RPS6KA2: variants seen among roughly 807,000 people sequenced by gnomAD.
The protein encoded by RPS6KA2 is ribosomal protein S6 kinase A2, also known as ribosomal protein S6 kinase alpha-2.
In RPS6KA2, 42 loss-of-function variants were observed where a neutral mutation model predicts 91.8. The ratio of observed to expected loss-of-function variants is 0.46; its 90% CI spans 0.36 to 0.59. RPS6KA2 has a LOEUF of 0.59. Among genes scored for constraint, RPS6KA2 ranks in the 20% least tolerant of loss-of-function variants. The probability of loss-of-function intolerance (pLI) is 0.00; values close to 1 mark genes in which losing one functional copy is unlikely to be tolerated. For missense variants in RPS6KA2, 798 were observed against 978.5 expected (o/e 0.82, Z 2.46); for synonymous variants, 414 against 393.6 (o/e 1.05, Z -0.61).
At position 166,732,886 on chromosome 6, in the gene RPS6KA2, CA is replaced by C. The variant is rs139020151; in HGVS notation, c.123+125313del. Among the ~76,000 whole-genome samples the C allele has an allele frequency of 0.034, 5,152 of 152,068 alleles. 288 individuals are homozygous for C. The highest frequency in any genetic ancestry group is 0.12 in the African/African-American group (4,856 of 41,428). The stretch of plus-strand genomic sequence containing the variant: ...GGCTGCTCTGGTTCAAGTTGGTGTT[CA>C]AATAAAAGTAAGTCACAACAAAACA... On this transcript the variant is annotated intron_variant, in intron 2 of 21. Coordinates refer to the RPS6KA2 transcript ENST00000503859. This position sits in a 1 kb window ranked among gnomAD's most constrained non-coding sequence, Gnocchi z 4.0.
At chr6:166,832,465 C>T (rs557568441) in intron 2 of RPS6KA2, among the ~76,000 whole-genome samples, 1 of 152,260 alleles carries the variant, frequency 6.6e-6, no homozygotes, top group Non-Finnish European at 1.5e-5. Context: ...CCTGGCTACA[C>T]CAAGATATTA....
intron 2 of RPS6KA2, among the ~76,000 whole-genome samples, chr6:166,644,281 A>G (rs975745777): frequency 3.9e-5 from 6 of 152,144 alleles, no homozygotes; most frequent in Admixed American, 2.0e-4. Flanking sequence ...GGAATTATCT[A>G]GTAGGGCACA....
intron 1 of RPS6KA2, among the ~76,000 whole-genome samples, chr6:166,539,982 T>G (rs1271226199): frequency 6.6e-6 from 1 of 152,218 alleles, no homozygotes; most frequent in Non-Finnish European, 1.5e-5. Context: ...CAACCAGGAA[T>G]TGTATGCATA....
At chr6:166,703,490 T>G (rs1266823844) in intron 2 of RPS6KA2, among the ~76,000 whole-genome samples, 3 of 152,252 alleles carry the variant, frequency 2.0e-5, no homozygotes, top group Non-Finnish European at 4.4e-5. Context: ...GGTTGCCACA[T>G]CAGTCAGATA....
At chr6:166,655,237 G>A (rs538276764) in intron 2 of RPS6KA2, among the ~76,000 whole-genome samples, 1 of 152,262 alleles carries the variant, frequency 6.6e-6, no homozygotes, top group East Asian at 1.9e-4. Flanking sequence ...TCATACTTCA[G>A]TGTATCTAGG....
chr6:166,543,186 T>C (rs1783714352), intron 1 of RPS6KA2, among the ~76,000 whole-genome samples: 1 of 152,114 alleles, frequency 6.6e-6, no homozygotes, highest in South Asian at 2.1e-4. Flanking sequence ...GCTGGCATCA[T>C]ATAAACGCTT....
At chr6:166,510,170 T>G (rs1782411366) in intron 4 of RPS6KA2, 107 bp downstream of exon 4, 1 of 679,196 alleles carries the variant, frequency 1.5e-6, no homozygotes, top group Non-Finnish European at 2.6e-6. Context: ...CTCTATGGTA[T>G]AGGAAAGATT....
intron 2 of RPS6KA2, among the ~76,000 whole-genome samples, chr6:166,705,832 T>C (rs1018178224): frequency 1.3e-5 from 2 of 152,186 alleles, no homozygotes; most frequent in Non-Finnish European, 2.9e-5. Context: ...AATGTTTGTG[T>C]CTCCCCTAAC....
chr6:166,586,880 C>A (rs2128519343), intron 1 of RPS6KA2, among the ~76,000 whole-genome samples: 1 of 152,348 alleles, frequency 6.6e-6, no homozygotes, highest in Non-Finnish European at 1.5e-5. Context: ...TAGACTGGGG[C>A]TCCCCTCAGC....
chr6:166,594,471 T>G (rs1473411894), intron 1 of RPS6KA2, among the ~76,000 whole-genome samples: 1 of 152,230 alleles, frequency 6.6e-6, no homozygotes, highest in Non-Finnish European at 1.5e-5. Flanking sequence ...TTCTTTTTTT[T>G]TTCTTTTTTG....
intron 2 of RPS6KA2, among the ~76,000 whole-genome samples, chr6:166,671,113 C>A (rs1036539631): frequency 6.6e-6 from 1 of 152,166 alleles, no homozygotes. Context: ...ATGCCTGGCC[C>A]CAACATGTTA....
chr6:166,568,210 T>A (rs1784560256), intron 1 of RPS6KA2, among the ~76,000 whole-genome samples: 1 of 152,058 alleles, frequency 6.6e-6, no homozygotes, highest in South Asian at 2.1e-4. Flanking sequence ...CACATGCACA[T>A]CCACATAAAA....
intron 2 of RPS6KA2, among the ~76,000 whole-genome samples, chr6:166,782,053 G>T (rs1045013940): frequency 6.6e-6 from 1 of 152,202 alleles, no homozygotes; most frequent in Non-Finnish European, 1.5e-5. Context: ...ACTTTGGGAG[G>T]CCAAGGTTGG....
intron 2 of RPS6KA2, among the ~76,000 whole-genome samples, chr6:166,835,224 G>C (rs920196416): frequency 1.6e-4 from 24 of 152,196 alleles, no homozygotes; most frequent in African/African-American, 5.8e-4. Flanking sequence ...TTAAAAGACA[G>C]TGTGAGTTCT....
intron 14 of RPS6KA2, among the ~76,000 whole-genome samples, chr6:166,446,178 A>T (rs1352390765): frequency 6.6e-6 from 1 of 152,204 alleles, no homozygotes; most frequent in Non-Finnish European, 1.5e-5. Flanking sequence ...TTGGAAGGAA[A>T]TCCAAACAAC....
intron 2 of RPS6KA2, among the ~76,000 whole-genome samples, chr6:166,740,298 T>C (rs568726789): frequency 3.0e-4 from 45 of 152,354 alleles, no homozygotes; most frequent in South Asian, 1.9e-3. Context: ...TTGAAAATAA[T>C]GTTCAACCTA....
At chr6:166,754,326 G>C (rs927244151) in intron 2 of RPS6KA2, among the ~76,000 whole-genome samples, 4 of 152,190 alleles carry the variant, frequency 2.6e-5, no homozygotes, top group African/African-American at 7.2e-5. Flanking sequence ...CCAAGAGAGG[G>C]GGCCAAGCCC....
chr6:166,644,487 C>A (rs1028507328), intron 2 of RPS6KA2, among the ~76,000 whole-genome samples: 30 of 152,180 alleles, frequency 2.0e-4, no homozygotes, highest in African/African-American at 7.2e-4. Context: ...AAGTTTGAGG[C>A]TCCAATCCTA....
intron 1 of RPS6KA2, among the ~76,000 whole-genome samples, chr6:166,571,750 C>T (rs1167446303): frequency 2.0e-5 from 3 of 151,516 alleles, no homozygotes; most frequent in East Asian, 1.9e-4. Context: ...CCACGTTGAG[C>T]GTGGTGACGA....
Sources: allele counts gnomAD v4.1 joint callset (sites outside exome capture counted in the v4.1 genomes callset), GRCh38; gene constraint gnomAD v4.1.1; non-coding constraint Gnocchi (gnomAD v3.1); transcripts MANE v1.5; gene names NCBI Gene and HGNC (gene_info 2026-07-23, HGNC 2026-07-21).